SZT2: variants seen among roughly 807,000 people sequenced by gnomAD.
SZT2 encodes the protein KICSTOR complex protein SZT2.
In SZT2, 216 loss-of-function variants were observed where a neutral mutation model predicts 404.2. That is an observed-to-expected ratio of 0.53 (90% CI 0.48 to 0.60). The LOEUF (loss-of-function observed/expected upper bound fraction) is 0.60. Among genes scored for constraint, SZT2 ranks in the 20% least tolerant of loss-of-function variants. SZT2 has a pLI of 0.00. For missense variants in SZT2, 3,857 were observed against 4,459.2 expected, an observed-to-expected ratio of 0.86 and a Z score of 3.85; for synonymous variants, 1,693 against 1,749.9, an observed-to-expected ratio of 0.97 and a Z score of 0.81.
At chr1:43,427,940 C>A in intron 26 of SZT2, 63 bp from the exon 27 acceptor site, 3 of 1,452,726 alleles carry the variant, frequency 2.1e-6, no homozygotes, top group South Asian at 1.2e-5. Context: ...GTGTGGATGG[C>A]TAATGAGTGT....
chr1:43,441,079 T>G lies in SZT2; in HGVS notation c.7345-135T>G. ...GTTAGGTAACCTGCCCAAGGCTCCT[T>G]AGCCAGCCCCTGGGGAAGCCAGGGT... On this transcript the variant is annotated intron_variant, in intron 52 of 71. Transcript: ENST00000634258. The surrounding 1 kb of genome is among the most constrained non-coding windows in gnomAD (Gnocchi z 4.8). The G allele has an allele frequency of 8.8e-7, 1 of 1,136,798 alleles. No homozygotes were observed. 70.4% of individuals were successfully genotyped at this position (1,136,798 alleles called of 1,614,324 possible).
At position 43,442,949 on chromosome 1, in the gene SZT2, C is replaced by T. The variant is rs778974361; in HGVS notation, c.8282C>T (p.Thr2761Ile). 2 of 1,614,162 alleles carry T rather than the reference C, an allele frequency of 1.2e-6. No homozygotes were observed. The highest frequency in any genetic ancestry group is 1.1e-5 in the South Asian group (1 of 91,086). ...SRGGGPLPLD[T>I]FPFDEALRDI... ...GGTGGGGGTCCTCTTCCCCTGGACA[C>T]ATTCCCCTTTGACGAGGCCCTAAGG... The change falls in exon 59 of 72, where the codon ACA becomes ATA. Residue 2761 changes from threonine (T) to isoleucine (I), a missense_variant. By Grantham distance (89) the Thr-to-Ile change is moderately conservative. Coordinates refer to ENST00000634258, the MANE Select transcript of SZT2 (RefSeq NM_001365999.1). The surrounding 1 kb of genome is among the most constrained non-coding windows in gnomAD (Gnocchi z 4.5).
chr1:43,390,064 C>A, intron 1 of SZT2, 69 bp downstream of exon 1: 2 of 1,368,542 alleles, frequency 1.5e-6, no homozygotes, highest in Non-Finnish European at 1.9e-6. Flanking sequence ...GCAGGCGTGG[C>A]GTTGGCCTCC....
At position 43,415,194 on chromosome 1, in the gene SZT2, A is replaced by C; in HGVS notation, c.611A>C (p.Gln204Pro). The change falls in exon 5 of 72, where the codon CAG becomes CCG. Residue 204 changes from glutamine (Q) to proline (P), a missense_variant. By Grantham distance (76) the Gln-to-Pro change is moderately conservative (BLOSUM62 -1). Around this residue, in one of 7 missense-constraint regions of SZT2, gnomAD observed 536 missense variants for 637.4 expected, o/e 0.84. Transcript: ENST00000634258. ...AAGGTGGCCACCATGCTGCAGCAGC[A>C]GTACGATCCCCAGAGCCAGGTATGT... ...EDKVATMLQQ[Q>P]YDPQSQAEDQ... 1 of 1,598,034 alleles carries C rather than the reference A, an allele frequency of 6.3e-7. No homozygotes were observed. The highest frequency in any genetic ancestry group is 1.1e-5 in the South Asian group (1 of 91,016).
intron 40 of SZT2, among the ~76,000 whole-genome samples, chr1:43,433,867 T>C (rs551398035): frequency 5.3e-5 from 8 of 152,258 alleles, no homozygotes; most frequent in Non-Finnish European, 7.3e-5. Flanking sequence ...TCCACTCATT[T>C]ATCTACATAA....
chr1:43,429,825 C>T lies in SZT2; in HGVS notation c.4289C>T (p.Ala1430Val), dbSNP rs764822965. Residue 1430 changes from alanine to valine, a missense_variant, in exon 29 of 72, where the codon GCC becomes GTC. By Grantham distance (64) the Ala-to-Val change is moderately conservative (BLOSUM62 0). Coordinates refer to ENST00000634258, the MANE Select transcript of SZT2 (RefSeq NM_001365999.1). Reference sequence around the variant, plus strand: ...CAGCTCAGAGGAGAGGCCCATGGTGCCCTTCATAGCGTCATCCAGGTGGGA... The same window carrying T: ...CAGCTCAGAGGAGAGGCCCATGGTGTCCTTCATAGCGTCATCCAGGTGGGA... ...VCQLRGEAHG[A>V]LHSVIQEKFL... 17 of 1,614,170 alleles carry T rather than the reference C, an allele frequency of 1.1e-5. No individual in the cohort carries two copies. The highest frequency in any genetic ancestry group is 1.4e-5 in the Non-Finnish European group (17 of 1,180,034).
Position 43,441,410 on chromosome 1 carries a change from A to T in SZT2, c.7511+30A>T. 6.2e-7 allele frequency: 1 copy of T among 1,612,544 alleles called. No homozygotes were observed. Among genetic ancestry groups the T allele is most frequent in the Non-Finnish European group, 8.5e-7 (1 of 1,179,084 alleles). On this transcript the variant is annotated intron_variant, in intron 53 of 71. Transcript: ENST00000634258. This position sits in a 1 kb window ranked among gnomAD's most constrained non-coding sequence, Gnocchi z 4.8. ...GTGTGTGGTGGTGGTGTGCCCTGGG[A>T]GGGTATGGGTGTGAAGTCACAGATG... is the stretch of plus-strand genomic sequence containing the variant.
rs1034371580 is a variant in SZT2, at chr1:43,435,455, A to G, written c.6034+126A>G. 9 of 1,073,936 alleles carry G rather than the reference A, an allele frequency of 8.4e-6. No homozygotes were observed. The Admixed American group carries it at 2.4e-4, about 29-fold the overall frequency. The allele number at this position is 1,073,936 out of a possible 1,614,324, so 66.5% of individuals were successfully genotyped here. ...GTCATCAGTGCCAAGTACTAGAGAG[A>G]GAGCAAGGAGGATAGGACAGGAAAG... is the stretch of plus-strand genomic sequence containing the variant. On this transcript the variant is annotated intron_variant, in intron 42 of 71. Transcript: ENST00000634258.
rs1324989745 is a variant in SZT2, at chr1:43,428,325, AGAAAT to A, written c.4006_4010del (p.Glu1336ArgfsTer40). On this transcript the variant is annotated frameshift_variant, in exon 28 of 72. Transcript: ENST00000634258. LOFTEE classifies it high-confidence loss of function. ...TAGATGCCTGTGAGGAGCTACTACAAGAAATAGACATCACCCCATTTCTCCTTGCA... is the reference window on the plus strand; with the variant it reads ...TAGATGCCTGTGAGGAGCTACTACAAAGACATCACCCCATTTCTCCTTGCA... The A allele has an allele frequency of 6.2e-7, 1 of 1,614,166 alleles. No homozygotes were observed. The highest frequency in any genetic ancestry group is 2.2e-5 in the East Asian group (1 of 44,870).
chr1:43,403,949 C>A, intron 3 of SZT2, 175 bp downstream of exon 3: 1 of 713,548 alleles, frequency 1.4e-6, no homozygotes. Flanking sequence ...GTGACTCATG[C>A]CTACAATCCC....
rs1653795080 is a variant in SZT2, at chr1:43,430,944, C to T, written c.4775-5C>T. The T allele has an allele frequency of 6.2e-7, 1 of 1,610,228 alleles. No homozygotes were observed. The highest frequency in any genetic ancestry group is 1.7e-5 in the Admixed American group (1 of 59,130). ...CAGCAACTGCTAACTTTCCCCCTCTCCCAGGCCAGGTGCTTTCCAGTCTGG... is the reference window on the plus strand; with the variant it reads ...CAGCAACTGCTAACTTTCCCCCTCTTCCAGGCCAGGTGCTTTCCAGTCTGG... On this transcript the variant is annotated splice_polypyrimidine_tract_variant and splice_region_variant and intron_variant, in intron 32 of 71. Transcript: ENST00000634258.
chr1:43,413,491 T>TA (rs1255960300), intron 4 of SZT2, among the ~76,000 whole-genome samples: 3 of 152,338 alleles, frequency 2.0e-5, no homozygotes, highest in African/African-American at 7.2e-5. Flanking sequence ...ATGGAAGAGA[T>TA]ATCTGCACTC....
chr1:43,391,203 A>G (rs1216683510), intron 1 of SZT2, among the ~76,000 whole-genome samples: 4 of 152,006 alleles, frequency 2.6e-5, no homozygotes, highest in Non-Finnish European at 5.9e-5. Context: ...AATCTCAGCT[A>G]CTCGGGAGGC....
Position 43,441,725 on chromosome 1 carries a change from C to G in SZT2, c.7649C>G (p.Ser2550Cys). 1 of 1,614,178 alleles carries G rather than the reference C, an allele frequency of 6.2e-7. No homozygotes were observed. Among genetic ancestry groups the G allele is most frequent in the Non-Finnish European group, 8.5e-7 (1 of 1,180,036 alleles). ...SVSRSSAHMV[S>C]RFLLPSILSE... is the part of the protein sequence containing the mutation. ...TCCAGAAGCTCTGCCCACATGGTGT[C>G]CCGGTTCCTCCTTCCATCCATCCTG... Residue 2550 changes from serine to cysteine, a missense_variant, in exon 55 of 72, where the codon TCC becomes TGC. By Grantham distance (112) the Ser-to-Cys change is moderately radical (BLOSUM62 -1). Coordinates refer to ENST00000634258, the MANE Select transcript of SZT2 (RefSeq NM_001365999.1). The surrounding 1 kb of genome is among the most constrained non-coding windows in gnomAD (Gnocchi z 4.8).
chr1:43,427,197 C>CCT lies in SZT2; in HGVS notation c.3433+20_3433+21dup, dbSNP rs1376134447. ...CTTCTCAGGTGCCAGCTGCTGACCT[C>CCT]CTCACGAACCCCCTCAGATACAAAC... On this transcript the variant is annotated intron_variant, in intron 24 of 71. Transcript: ENST00000634258. 1 of 1,613,158 alleles carries CCT rather than the reference C, an allele frequency of 6.2e-7. No homozygotes were observed. The highest frequency in any genetic ancestry group is 8.5e-7 in the Non-Finnish European group (1 of 1,179,542).
chr1:43,419,088 C>CT (rs1652034003), intron 7 of SZT2, among the ~76,000 whole-genome samples: 1 of 152,232 alleles, frequency 6.6e-6, no homozygotes, highest in African/African-American at 2.4e-5. Context: ...GCCAGTCAGT[C>CT]TTTAAGCCTT....
chr1:43,407,027 T>C (rs999656094), intron 4 of SZT2: 2 of 152,178 alleles, frequency 1.3e-5, no homozygotes, highest in Non-Finnish European at 1.5e-5. Flanking sequence ...GTGGCTAATA[T>C]GGAGGATGGA....
intron 4 of SZT2, chr1:43,405,105 G>A (rs1269152575): frequency 1.3e-5 from 2 of 152,676 alleles, no homozygotes; most frequent in Non-Finnish European, 2.9e-5. Context: ...CTGGGTTCAA[G>A]CGATTCTCCT....
chr1:43,433,094 A>G lies in SZT2; in HGVS notation c.5708A>G (p.Gln1903Arg), dbSNP rs760226125. The part of the protein sequence containing the change: ...LRTPPGPAPP[Q>R]PSLSGLPGPC... ...ACTCCACCTGGGCCAGCACCTCCAC[A>G]GCCTTCACTCTCAGGCCTCCCTGGG... Residue 1903 changes from glutamine (Q) to arginine (R), a missense_variant, in exon 40 of 72, where the codon CAG becomes CGG. Gln to Arg is a conservative substitution (Grantham distance 43, BLOSUM62 1). Transcript: ENST00000634258. The G allele has an allele frequency of 3.1e-6, 5 of 1,614,020 alleles. No homozygotes were observed. Among genetic ancestry groups the G allele is most frequent in the African/African-American group, 1.3e-5 (1 of 74,910 alleles).
Sources: allele counts gnomAD v4.1 joint callset (sites outside exome capture counted in the v4.1 genomes callset), GRCh38; gene constraint gnomAD v4.1.1; regional missense constraint gnomAD v4.1.1; non-coding constraint Gnocchi (gnomAD v3.1); transcripts MANE v1.5; gene names NCBI Gene and HGNC (gene_info 2026-07-23, HGNC 2026-07-21).